Variants in ROBO1 observed in about 807,000 individuals in gnomAD.
The protein encoded by ROBO1 is roundabout guidance receptor 1.
In ROBO1, 149 loss-of-function variants were observed where a neutral mutation model predicts 195.9. That is an observed-to-expected ratio of 0.76 (90% CI 0.67 to 0.87). The LOEUF is 0.87. ROBO1 is among the 40% of genes least tolerant of loss of function. ROBO1 has a pLI of 0.00. For missense variants in ROBO1, 1,933 were observed against 2,068.3 expected (o/e 0.93, Z 1.27); for synonymous variants, 816 against 733.2 (o/e 1.11, Z -1.82).
Position 78,651,848 on chromosome 3 carries a change from A to G in ROBO1, c.2696T>C (p.Phe899Ser). The G allele has an allele frequency of 6.2e-7, 1 of 1,613,798 alleles. No homozygotes were observed. The highest frequency in any genetic ancestry group is 8.5e-7 in the Non-Finnish European group (1 of 1,179,772). The change falls in exon 19 of 31, where the codon TTC (phenylalanine) becomes TCC (serine). Residue 899 changes from phenylalanine (F) to serine (S), a missense_variant. Transcript: ENST00000464233. ...QISDVVKQPA[F>S]IAGIGAACWI... is the part of the protein sequence containing the mutation. ...ACAGGCTGCTCCAATACCTGCTATG[A>G]AGGCCGGCTGCTTCACCACATCTGA... is the stretch of plus-strand genomic sequence containing the variant.
chr3:79,338,246 T>C (rs780201388), intron 2 of ROBO1, among the ~76,000 whole-genome samples: 2 of 152,198 alleles, frequency 1.3e-5, no homozygotes, highest in Non-Finnish European at 2.9e-5. Flanking sequence ...ACTATACAGA[T>C]GACTATCTTT....
chr3:78,684,748 C>T (rs1178268279), intron 10 of ROBO1, among the ~76,000 whole-genome samples: 1 of 152,058 alleles, frequency 6.6e-6, no homozygotes, highest in African/African-American at 2.4e-5. Flanking sequence ...TCAAAGATGA[C>T]TCCACAGATT....
chr3:79,206,650 G>C (rs2081874022), intron 2 of ROBO1, among the ~76,000 whole-genome samples: 2 of 152,212 alleles, frequency 1.3e-5, no homozygotes, highest in East Asian at 3.9e-4. Flanking sequence ...GCAGCTGAAA[G>C]AGGCCTTAAG....
chr3:79,406,388 G>A (rs763933721), intron 2 of ROBO1, among the ~76,000 whole-genome samples: 3 of 151,398 alleles, frequency 2.0e-5, no homozygotes, highest in Admixed American at 6.6e-5. Flanking sequence ...GCTAGGTGGC[G>A]CCACTGCACC....
chr3:78,753,580 T>C (rs983351156), intron 4 of ROBO1, among the ~76,000 whole-genome samples: 1 of 152,166 alleles, frequency 6.6e-6, no homozygotes, highest in Non-Finnish European at 1.5e-5. Flanking sequence ...GTTTCTTACA[T>C]AGGTATACAT....
chr3:79,507,966 T>C (rs1940493618), intron 2 of ROBO1: 2 of 153,568 alleles, frequency 1.3e-5, no homozygotes, highest in Non-Finnish European at 1.5e-5. Context: ...GGGCTCACTC[T>C]ACTATTCTCA....
rs756935320 is a variant in ROBO1 at position 78,875,533 on chromosome 3, T to C, written c.499+63068A>G. On this transcript the variant is annotated intron_variant, in intron 4 of 30. Coordinates refer to ENST00000464233, the MANE Select transcript of ROBO1 (RefSeq NM_002941.4). ...CCTGGTTTCACTGATTACTAACTTATAAAGCTAGAATAGAAAAAAAAATCA... is the reference window on the plus strand; with the variant it reads ...CCTGGTTTCACTGATTACTAACTTACAAAGCTAGAATAGAAAAAAAAATCA... 2.0e-5 allele frequency among the ~76,000 whole-genome samples: 3 copies of C among 152,106 alleles called. No individual in the cohort carries two copies. In the East Asian group the frequency reaches 5.8e-4, roughly 30 times the overall value.
chr3:79,264,905 C>T (rs1376039939), intron 2 of ROBO1, among the ~76,000 whole-genome samples: 3 of 151,880 alleles, frequency 2.0e-5, no homozygotes, highest in African/African-American at 4.8e-5. Context: ...TTCTGTTTGT[C>T]TCTGCCAGAA....
chr3:78,725,788 G>A lies in ROBO1; in HGVS notation c.658-7905C>T, dbSNP rs564386743. Among the ~76,000 whole-genome samples, 3 of 152,142 alleles carry A rather than the reference G, an allele frequency of 2.0e-5. No homozygotes were observed. In the East Asian group the frequency reaches 5.8e-4, roughly 29 times the overall value. ...TAAAACATAAATTCATAAGTTTTTT[G>A]ATTGGGTTATCCGAGAGTACACAGC... On this transcript the variant is annotated intron_variant, in intron 5 of 30. Transcript: ENST00000464233.
chr3:79,186,608 G>A (rs1004319992), intron 2 of ROBO1, among the ~76,000 whole-genome samples: 4 of 152,096 alleles, frequency 2.6e-5, no homozygotes, highest in South Asian at 2.1e-4. Flanking sequence ...CTTTTGACAC[G>A]TTATAGGATT....
chr3:79,075,551 C>A (rs2079158243), intron 3 of ROBO1, among the ~76,000 whole-genome samples: 1 of 151,936 alleles, frequency 6.6e-6, no homozygotes, highest in Non-Finnish European at 1.5e-5. Flanking sequence ...AAACTTGCAT[C>A]CTGTCATAGT....
At chr3:78,788,583 T>C (rs2083922797) in intron 4 of ROBO1, among the ~76,000 whole-genome samples, 1 of 152,004 alleles carries the variant, frequency 6.6e-6, no homozygotes, top group South Asian at 2.1e-4. Context: ...GGCTTTTATA[T>C]ATTAACTTCC....
intron 1 of ROBO1, among the ~76,000 whole-genome samples, chr3:79,634,269 AT>A (rs1560056707): frequency 6.6e-6 from 1 of 152,190 alleles, no homozygotes; most frequent in Non-Finnish European, 1.5e-5. Flanking sequence ...CAGCAAGGGA[AT>A]TTGGTTGTCA....
intron 4 of ROBO1, among the ~76,000 whole-genome samples, chr3:78,762,172 G>C (rs2083121986): frequency 6.6e-6 from 1 of 151,964 alleles, no homozygotes; most frequent in Admixed American, 6.6e-5. Context: ...CTTTAGGTAA[G>C]TAAATAAAAG....
intron 2 of ROBO1, among the ~76,000 whole-genome samples, chr3:79,313,841 T>G (rs2109103363): frequency 6.6e-6 from 1 of 152,336 alleles, no homozygotes; most frequent in Middle Eastern, 3.4e-3. Flanking sequence ...CTATATCATC[T>G]GAAATATGCA....
intron 2 of ROBO1, among the ~76,000 whole-genome samples, chr3:79,334,133 C>G (rs984699520): frequency 6.6e-6 from 1 of 151,354 alleles, no homozygotes; most frequent in Admixed American, 6.6e-5. Flanking sequence ...GGGTGAACCC[C>G]GTCTCTACTA....
chr3:78,938,615 G>A lies in ROBO1; in HGVS notation c.485C>T (p.Ser162Leu), dbSNP rs1320282147. Residue 162 changes from serine (S) to leucine (L), a missense_variant, in exon 4 of 31, where the codon TCG becomes TTG. By Grantham distance (145) the Ser-to-Leu change is moderately radical. Transcript: ENST00000464233. ...YLGEAVSHNA[S>L]LEVAILRDDF... ...AGTTTACTTACTGGCTACTTCCAGCGATGCATTGTGGCTCACAGCCTCTCC... is the reference window on the plus strand; with the variant it reads ...AGTTTACTTACTGGCTACTTCCAGCAATGCATTGTGGCTCACAGCCTCTCC... 1.1e-5 allele frequency: 18 copies of A among 1,608,934 alleles called. No homozygotes were observed. Among genetic ancestry groups the A allele is most frequent in the East Asian group, 8.9e-5 (4 of 44,786 alleles).
intron 4 of ROBO1, among the ~76,000 whole-genome samples, chr3:78,780,285 C>T (rs139783383): frequency 6.6e-6 from 1 of 152,126 alleles, no homozygotes; most frequent in East Asian, 1.9e-4. Context: ...GTCTTATTAA[C>T]TGAGACTGCA....
intron 1 of ROBO1, among the ~76,000 whole-genome samples, chr3:79,612,355 G>T (rs1248309820): frequency 6.8e-6 from 1 of 146,596 alleles, no homozygotes. Flanking sequence ...CAAAGGACAT[G>T]AACTCATCAT....
Sources: gnomAD v4.1 joint callset for allele counts (sites outside exome capture counted in the v4.1 genomes callset) on GRCh38, gnomAD v4.1.1 for gene constraint, MANE v1.5 for transcripts, NCBI Gene and HGNC (gene_info 2026-07-23, HGNC 2026-07-21) for gene names.